Variants in LMO7 observed in about 807,000 individuals in gnomAD.
LMO7 encodes the protein LIM domain only protein 7.
LMO7 carries 120 observed loss-of-function variants against 206.5 expected under a neutral mutation model. That is an observed-to-expected ratio of 0.58 (90% confidence interval 0.50 to 0.68). LMO7 has a LOEUF of 0.68. Ranked by LOEUF, LMO7 falls within the 30% of genes least tolerant of loss-of-function variation. The probability of loss-of-function intolerance (pLI) is 0.00; values close to 1 mark genes in which losing one functional copy is unlikely to be tolerated. For synonymous variants in LMO7, 706 were observed against 681.5 expected (o/e 1.04, Z -0.56); for missense variants, 1,959 against 1,957.9 (o/e 1.00, Z -0.01).
chr13:75,805,700 A>G lies in LMO7; in HGVS notation c.1136A>G (p.Asn379Ser). The G allele has an allele frequency of 6.2e-7, 1 of 1,614,054 alleles. No individual in the cohort carries two copies. The highest frequency in any genetic ancestry group is 8.5e-7 in the Non-Finnish European group (1 of 1,179,878). Residue 379 changes from asparagine (N) to serine (S), a missense_variant, in exon 9 of 31, where the codon AAC becomes AGC. Physicochemically the swap from Asn to Ser is conservative, Grantham distance 46 (BLOSUM62 1). Coordinates refer to ENST00000377534, the MANE Select transcript of LMO7 (RefSeq NM_001306080.2). ...LPKCWTPEDV[N>S]WKRIKRETYK... ...AAATGTTGGACCCCAGAAGATGTGA[A>G]CTGGAAAAGAATAAAAAGGGAAACT...
chr13:75,686,157 G>A (rs1372439700), intron 1 of LMO7, among the ~76,000 whole-genome samples: 1 of 151,958 alleles, frequency 6.6e-6, no homozygotes, highest in African/African-American at 2.4e-5. Context: ...GGGATTACAG[G>A]GGTGTATTAG....
At chr13:75,673,053 A>C (rs939578227) in intron 1 of LMO7, among the ~76,000 whole-genome samples, 14 of 152,216 alleles carry the variant, frequency 9.2e-5, no homozygotes, top group African/African-American at 3.1e-4. Flanking sequence ...AGAGTACAAA[A>C]ATTATCCTAG....
At chr13:75,650,429 GT>G (rs565367967) in intron 1 of LMO7, among the ~76,000 whole-genome samples, 4 of 150,744 alleles carry the variant, frequency 2.7e-5, no homozygotes, top group Non-Finnish European at 5.9e-5. Flanking sequence ...TACCTGGCCC[GT>G]TTTTTTTTCT....
At chr13:75,636,157 C>A, upstream of LMO7, 1 of 302,046 alleles carries the variant, frequency 3.3e-6, no homozygotes, top group Non-Finnish European at 4.9e-6. Flanking sequence ...CGGACTGTGG[C>A]ATCTCCCGGG....
chr13:75,751,077 C>T (rs1191578603), intron 3 of LMO7, among the ~76,000 whole-genome samples: 4 of 148,894 alleles, frequency 2.7e-5, no homozygotes, highest in Non-Finnish European at 4.5e-5. Flanking sequence ...AGAAAGGAGT[C>T]GAGGTCACCT....
chr13:75,824,069 C>G (rs915401040), intron 15 of LMO7, among the ~76,000 whole-genome samples, 196 bp downstream of exon 15: 11 of 152,184 alleles, frequency 7.2e-5, no homozygotes, highest in African/African-American at 2.7e-4. Flanking sequence ...CCAGATAACA[C>G]TTGTGATATG....
Position 75,749,319 on chromosome 13 carries a change from A to G in LMO7, c.211-11613A>G, listed in dbSNP as rs553498447. On this transcript the variant is annotated intron_variant, in intron 3 of 30. Transcript: ENST00000377534. ...GCATCACAGTGACATTTTTTCTTAA[A>G]GTAATTATTTGTTTTGCTTTGGAAC... 2.0e-5 allele frequency among the ~76,000 whole-genome samples: 3 copies of G among 152,316 alleles called. No homozygotes were observed. In the East Asian group the frequency reaches 5.8e-4, roughly 29 times the overall value.
chr13:75,807,716 T>C lies in LMO7; in HGVS notation c.1433T>C (p.Leu478Pro), dbSNP rs1272911881. 2 of 1,614,030 alleles carry C rather than the reference T, an allele frequency of 1.2e-6. No individual in the cohort carries two copies. The highest frequency in any genetic ancestry group is 1.7e-6 in the Non-Finnish European group (2 of 1,179,898). ...GCTTTCCATGCAAATCCATATGTTC[T>C]CCGAGCTTTTGAAGACTTTAGAAAG... is the stretch of plus-strand genomic sequence containing the variant. ...TGAFHANPYV[L>P]RAFEDFRKFS... The change falls in exon 10 of 31, where the codon CTC becomes CCC. Residue 478 changes from leucine (L) to proline (P), a missense_variant. By Grantham distance (98) the Leu-to-Pro change is moderately conservative (BLOSUM62 -3). Transcript: ENST00000377534.
intron 1 of LMO7, among the ~76,000 whole-genome samples, chr13:75,670,386 T>C (rs779572833): frequency 2.2e-4 from 34 of 152,174 alleles, no homozygotes; most frequent in Non-Finnish European, 3.5e-4. Flanking sequence ...AAATGTGTCA[T>C]ATAGGCTATT....
At chr13:75,736,129 G>C (rs1220180036) in intron 3 of LMO7, among the ~76,000 whole-genome samples, 1 of 152,154 alleles carries the variant, frequency 6.6e-6, no homozygotes, top group Non-Finnish European at 1.5e-5. Flanking sequence ...ATCTCTCCAA[G>C]TATTTCTATT....
chr13:75,836,836 A>G (rs1160028853), intron 19 of LMO7, among the ~76,000 whole-genome samples: 1 of 152,216 alleles, frequency 6.6e-6, no homozygotes, highest in Non-Finnish European at 1.5e-5. Flanking sequence ...TGAAAGGGAC[A>G]AGCTTGGAGG....
At chr13:75,637,039 G>A (rs528871833) in intron 1 of LMO7, among the ~76,000 whole-genome samples, 2 of 152,180 alleles carry the variant, frequency 1.3e-5, no homozygotes, top group Non-Finnish European at 2.9e-5. Flanking sequence ...GCCCTGGCTC[G>A]CCCGGGGCGT....
rs760406624 is a variant in LMO7 at position 75,737,782 on chromosome 13, T to TTA, written c.210+10684_210+10685insTA. ...AAAAAAAAAATAAAATAAAATAAAA[T>TTA]AAAAAAAAAAAAAAAAAAACTTTTT... is the stretch of plus-strand genomic sequence containing the variant. On this transcript the variant is annotated intron_variant, in intron 3 of 30. Transcript: ENST00000377534. Among the ~76,000 whole-genome samples, 55 of 36,342 alleles carry TTA rather than the reference T, an allele frequency of 1.5e-3. 2 individuals are homozygous for TTA. Among genetic ancestry groups the TTA allele is most frequent in the Admixed American group, 5.6e-3 (10 of 1,792 alleles). The allele number at this position is 36,342 out of a possible 152,430, so 23.8% of individuals were successfully genotyped here.
intron 3 of LMO7, among the ~76,000 whole-genome samples, chr13:75,756,439 C>T (rs993582403): frequency 1.3e-5 from 2 of 152,130 alleles, no homozygotes; most frequent in South Asian, 4.1e-4. Flanking sequence ...CCTACATAGC[C>T]ACAAAGATAG....
chr13:75,803,163 C>T (rs560698280), intron 7 of LMO7, among the ~76,000 whole-genome samples: 22 of 152,316 alleles, frequency 1.4e-4, no homozygotes, highest in African/African-American at 5.3e-4. Context: ...GCTGCGTTTA[C>T]TTTCCCTCTT....
chr13:75,806,411 A>AT, intron 9 of LMO7: 1 of 176,430 alleles, frequency 5.7e-6, no homozygotes, highest in Non-Finnish European at 1.1e-5. Flanking sequence ...CGTAATGTAT[A>AT]ACACGCTGCT....
At chr13:75,807,163 G>C (rs114416828) in intron 9 of LMO7, 152 of 268,398 alleles carry the variant, frequency 5.7e-4, no homozygotes, top group African/African-American at 3.0e-3. Flanking sequence ...GGGTACCAGG[G>C]AGTGGCTTTT....
At chr13:75,779,590 A>G (rs1187373308) in intron 4 of LMO7, among the ~76,000 whole-genome samples, 3 of 152,136 alleles carry the variant, frequency 2.0e-5, no homozygotes, top group African/African-American at 7.2e-5. Context: ...GATTGGTGAT[A>G]CTCTAATATT....
chr13:75,631,194 T>G (rs1321545173), intron 2 of LMO7: 2 of 151,870 alleles, frequency 1.3e-5, no homozygotes, highest in African/African-American at 4.8e-5. Context: ...GCCCAGCTAA[T>G]TTTTGTATTT....
Sources: allele counts gnomAD v4.1 joint callset (sites outside exome capture counted in the v4.1 genomes callset), GRCh38; gene constraint gnomAD v4.1.1; transcripts MANE v1.5; gene names NCBI Gene and HGNC (gene_info 2026-07-23, HGNC 2026-07-21).